Variants in DMD observed in about 807,000 individuals in gnomAD.
The protein encoded by DMD is dystrophin.
DMD carries 63 observed loss-of-function variants against 330.1 expected under a neutral mutation model. The observed-to-expected ratio is 0.19, with a 90% CI of 0.16 to 0.24. The LOEUF is 0.24. Ranked by LOEUF, DMD falls within the 10% of genes least tolerant of loss-of-function variation. The pLI, the probability that DMD is intolerant of heterozygous loss-of-function variation, is 1.00. For missense variants in DMD, 3,344 were observed against 2,684.1 expected (o/e 1.25, Z -5.43); for synonymous variants, 1,223 against 959.8 (o/e 1.27, Z -5.07).
chrX:32,050,773 T>G (rs1050327174), intron 44 of DMD, among the ~76,000 whole-genome samples: 1 of 111,028 alleles, frequency 9.0e-6, no homozygotes, highest in Non-Finnish European at 1.9e-5. Context: ...AAAACTTTTG[T>G]GTCCATGAGA....
chrX:32,997,752 A>G (rs2093163467), intron 2 of DMD, among the ~76,000 whole-genome samples: 1 of 111,847 alleles, frequency 8.9e-6, no homozygotes, highest in Admixed American at 9.5e-5. Context: ...ACAAAGTTTG[A>G]TCACCAATGA....
intron 44 of DMD, among the ~76,000 whole-genome samples, chrX:32,176,772 G>A (rs944531091): frequency 1.8e-5 from 2 of 110,687 alleles, no homozygotes; most frequent in African/African-American, 3.3e-5. Context: ...AGTTCATCAC[G>A]GTCACCTTTC....
intron 48 of DMD, among the ~76,000 whole-genome samples, chrX:31,843,687 T>C (rs1239711985): frequency 8.9e-6 from 1 of 111,819 alleles, no homozygotes; most frequent in Non-Finnish European, 1.9e-5. Context: ...GATAGTTTCT[T>C]TTGCTGTGTA....
chrX:31,685,479 C>A (rs186053859), intron 52 of DMD, among the ~76,000 whole-genome samples: 1 of 112,268 alleles, frequency 8.9e-6, no homozygotes, highest in Non-Finnish European at 1.9e-5. Flanking sequence ...TTTCTCTCAC[C>A]GTGGTTCTCC....
intron 30 of DMD, among the ~76,000 whole-genome samples, chrX:32,400,649 T>C (rs2098080141): frequency 9.1e-6 from 1 of 110,074 alleles, no homozygotes; most frequent in Admixed American, 9.7e-5. Flanking sequence ...TCACACCAGT[T>C]AGAATGGCAA....
chrX:32,172,820 T>A (rs142544765), intron 44 of DMD, among the ~76,000 whole-genome samples: 1,319 of 111,660 alleles, frequency 0.012, 18 homozygotes, highest in African/African-American at 0.041. Context: ...TGAATTCAGC[T>A]GAAAATTTTT....
At chrX:32,364,342 C>T (rs1216848871) in intron 36 of DMD, among the ~76,000 whole-genome samples, 1 of 111,617 alleles carries the variant, frequency 9.0e-6, no homozygotes, top group Non-Finnish European at 1.9e-5. Context: ...TCTTTCTGAA[C>T]GGAGTTTACA....
intron 74 of DMD, among the ~76,000 whole-genome samples, chrX:31,164,458 C>A (rs1269514818): frequency 9.0e-6 from 1 of 111,725 alleles, no homozygotes; most frequent in Non-Finnish European, 1.9e-5. Context: ...CCTGAATTAT[C>A]AGTCCCAGCT....
chrX:32,786,437 T>C (rs1285381673), intron 7 of DMD, among the ~76,000 whole-genome samples: 1 of 110,819 alleles, frequency 9.0e-6, no homozygotes, highest in Non-Finnish European at 1.9e-5. Flanking sequence ...AACTGGTGAG[T>C]GTCTCCCTTT....
chrX:31,252,945 C>CG (rs1006674072), intron 63 of DMD, among the ~76,000 whole-genome samples: 13 of 110,450 alleles, frequency 1.2e-4, no homozygotes, highest in African/African-American at 4.3e-4. Flanking sequence ...GAGATGAGAT[C>CG]GTGCAACTGC....
chrX:31,232,735 G>A (rs973792045), intron 63 of DMD, among the ~76,000 whole-genome samples: 3 of 111,812 alleles, frequency 2.7e-5, no homozygotes, highest in Non-Finnish European at 5.6e-5. Context: ...GAAGGCTGGA[G>A]GCTTAATCTC....
chrX:33,106,816 G>A (rs2148405888), intron 1 of DMD, among the ~76,000 whole-genome samples: 1 of 111,551 alleles, frequency 9.0e-6, no homozygotes, highest in South Asian at 3.7e-4. Flanking sequence ...AGTTACTTGA[G>A]GCCATGAAAT....
At chrX:32,485,820 T>C (rs2042401832) in intron 20 of DMD, among the ~76,000 whole-genome samples, 1 of 96,389 alleles carries the variant, frequency 1.0e-5, no homozygotes. Context: ...CTTGGCCAAA[T>C]GCAACCTTCA....
intron 2 of DMD, among the ~76,000 whole-genome samples, chrX:32,949,987 G>C (rs928559388): frequency 2.9e-4 from 32 of 109,498 alleles, no homozygotes; most frequent in African/African-American, 1.1e-3. Context: ...AAAAAATAGA[G>C]TGGTCTATTG....
At position 32,748,107 on chromosome X, in the gene DMD, C is replaced by T. The variant is rs57286791; in HGVS notation, c.650-48814G>A. 2.8e-3 allele frequency among the ~76,000 whole-genome samples: 304 copies of T among 110,289 alleles called. 1 individual carries two copies. Among genetic ancestry groups the T allele is most frequent in the African/African-American group, 9.0e-3 (272 of 30,349 alleles). ...CCTGTAATCCCAGCACTTTGGGAGG[C>T]TGAGGCAGGCAGATCACCTGAGGAC... On this transcript the variant is annotated intron_variant, in intron 7 of 78. Transcript: ENST00000357033.
At chrX:32,514,642 G>A (rs770293863) in intron 18 of DMD, among the ~76,000 whole-genome samples, 1 of 112,490 alleles carries the variant, frequency 8.9e-6, no homozygotes, top group South Asian at 3.7e-4. Flanking sequence ...TCAGGAGGCT[G>A]AGGCAGGAGA....
intron 16 of DMD, among the ~76,000 whole-genome samples, chrX:32,551,672 T>C (rs2049572546): frequency 9.0e-6 from 1 of 111,223 alleles, no homozygotes; most frequent in Non-Finnish European, 1.9e-5. Flanking sequence ...GCAATCCAAA[T>C]AGGAAGAGAG....
chrX:32,397,461 C>G (rs552409763), intron 30 of DMD, among the ~76,000 whole-genome samples: 1 of 111,588 alleles, frequency 9.0e-6, no homozygotes, highest in South Asian at 3.7e-4. Context: ...TTTTCTTCAT[C>G]AAAGTCAAGT....
In DMD at chrX:31,295,399, T is replaced by A. The variant is rs142367186; in HGVS notation, c.9224+28199A>T. On this transcript the variant is annotated intron_variant, in intron 62 of 78. Coordinates refer to ENST00000357033, the MANE Select transcript of DMD (RefSeq NM_004006.3). ...ATACATACCATACGATTCGCCCATT[T>A]AAGGTGTACAATTCAATATTTTTGT... 7.6e-3 allele frequency among the ~76,000 whole-genome samples: 837 copies of A among 110,617 alleles called. 8 individuals carry two copies. Among genetic ancestry groups the A allele is most frequent in the African/African-American group, 0.026 (780 of 30,390 alleles).
Sources: gnomAD v4.1 joint callset for allele counts (sites outside exome capture counted in the v4.1 genomes callset) on GRCh38, gnomAD v4.1.1 for gene constraint, MANE v1.5 for transcripts, NCBI Gene and HGNC (gene_info 2026-07-23, HGNC 2026-07-21) for gene names.